The following POP1 variants were observed in gnomAD, a reference collection of about 807,000 sequenced individuals.
POP1 encodes ribonucleases P/MRP protein subunit POP1.
Under a neutral mutation model 102.2 loss-of-function variants are expected in POP1, and 75 were observed. The ratio of observed to expected loss-of-function variants is 0.73; its 90% confidence interval spans 0.61 to 0.89. POP1 has a LOEUF of 0.89. Ranked by LOEUF, POP1 falls within the 40% of genes least tolerant of loss-of-function variation. The pLI is 0.00. For synonymous variants in POP1, 436 were observed against 464.1 expected (o/e 0.94, Z 0.78); for missense variants, 1,116 against 1,267.4 (o/e 0.88, Z 1.81).
At chr8:98,141,446 A>G (rs931954943) in intron 11 of POP1, among the ~76,000 whole-genome samples, 2 of 152,212 alleles carry the variant, frequency 1.3e-5, no homozygotes, top group East Asian at 3.8e-4. Context: ...AGCAATTTTG[A>G]TAATGTCTCA....
intron 14 of POP1, among the ~76,000 whole-genome samples, chr8:98,151,656 T>G (rs1197346670): frequency 2.0e-5 from 3 of 151,992 alleles, no homozygotes; most frequent in African/African-American, 7.3e-5. Flanking sequence ...AGTTCCTTGA[T>G]GGTGAGCTTC....
chr8:98,131,199 C>T (rs1490675644), intron 5 of POP1, among the ~76,000 whole-genome samples: 2 of 152,206 alleles, frequency 1.3e-5, no homozygotes, highest in African/African-American at 2.4e-5. Flanking sequence ...ATCAGTACCA[C>T]CATCCATCTC....
In POP1 at chr8:98,127,578, T is replaced by C; in HGVS notation, c.143-17T>C. ...TCTCTGATAAAGGTGACATGTTTCT[T>C]TTTGAAAATATACTAGAGCCTCATC... On this transcript the variant is annotated splice_polypyrimidine_tract_variant and intron_variant, in intron 2 of 15. Transcript: ENST00000401707. The C allele has an allele frequency of 6.2e-7, 1 of 1,614,066 alleles. No individual in the cohort carries two copies. The highest frequency in any genetic ancestry group is 1.3e-5 in the African/African-American group (1 of 75,028).
At chr8:98,117,969 A>G (rs1449567856) in intron 1 of POP1, 2 of 152,090 alleles carry the variant, frequency 1.3e-5, no homozygotes, top group Non-Finnish European at 2.9e-5. Context: ...TTATGCGGGC[A>G]CTCATAGATA....
At chr8:98,155,447 A>AT (rs1158557794) in intron 14 of POP1, among the ~76,000 whole-genome samples, 2 of 150,190 alleles carry the variant, frequency 1.3e-5, no homozygotes, top group African/African-American at 2.5e-5. Context: ...CACCCAGCTA[A>AT]TTTTTTTGTA....
intron 11 of POP1, among the ~76,000 whole-genome samples, chr8:98,143,991 T>TAA (rs1349489127): frequency 2.2e-5 from 3 of 139,014 alleles, no homozygotes; most frequent in African/African-American, 5.3e-5. Flanking sequence ...CTGTCTCTAC[T>TAA]AAAAAAAAAA....
At chr8:98,143,736 G>A (rs1816769428) in intron 11 of POP1, among the ~76,000 whole-genome samples, 1 of 151,818 alleles carries the variant, frequency 6.6e-6, no homozygotes, top group Non-Finnish European at 1.5e-5. Flanking sequence ...CCTAACTTCC[G>A]ATAACCACTG....
chr8:98,123,750 C>T (rs1422898393), intron 2 of POP1, among the ~76,000 whole-genome samples: 2 of 149,420 alleles, frequency 1.3e-5, no homozygotes. Context: ...GCACTCCAGC[C>T]TGAAGACAGA....
rs750139829 is a variant in POP1, at chr8:98,136,531, A to C, written c.1061A>C (p.Lys354Thr). The change falls in exon 8 of 16, where the codon AAA (lysine) becomes ACA (threonine). Residue 354 changes from lysine to threonine, a missense_variant. Coordinates refer to ENST00000401707, the MANE Select transcript of POP1 (RefSeq NM_001145860.2). ...KAACQCVEPI[K>T]SAVCIADPLP... ...GCGTGCCAGTGTGTGGAACCCATCA[A>C]ATCAGCTGTCTGCATCGCTGACCCA... 3 of 1,614,008 alleles carry C rather than the reference A, an allele frequency of 1.9e-6. No homozygotes were observed. Among genetic ancestry groups the C allele is most frequent in the Admixed American group, 3.3e-5 (2 of 59,994 alleles).
intron 2 of POP1, among the ~76,000 whole-genome samples, chr8:98,126,941 G>A (rs1365797486): frequency 1.3e-5 from 2 of 152,062 alleles, no homozygotes; most frequent in Non-Finnish European, 2.9e-5. Flanking sequence ...TCAGATGAGG[G>A]ATACACAACC....
chr8:98,150,420 T>A, intron 13 of POP1, 65 bp from the exon 14 acceptor site: 1 of 1,580,880 alleles, frequency 6.3e-7, no homozygotes. Context: ...TTTTCCCCCA[T>A]ATAAACATTA....
At chr8:98,129,876 A>C in intron 4 of POP1, 102 bp from the exon 5 acceptor site, 1 of 1,353,236 alleles carries the variant, frequency 7.4e-7, no homozygotes, top group South Asian at 1.2e-5. Context: ...GGATCTATAA[A>C]ATATTCCACT....
At position 98,125,903 on chromosome 8, in the gene POP1, T is replaced by C. The variant is rs191664785; in HGVS notation, c.143-1692T>C. 3.9e-4 allele frequency among the ~76,000 whole-genome samples: 60 copies of C among 152,228 alleles called. 1 individual carries two copies. In the East Asian group the frequency reaches 0.011, roughly 29 times the overall value. ...CTCTGTCACCCATGCTGAAGGGTAATGGCACAATCGTGGCTCACTTCAACC... is the reference window on the plus strand; with the variant it reads ...CTCTGTCACCCATGCTGAAGGGTAACGGCACAATCGTGGCTCACTTCAACC... On this transcript the variant is annotated intron_variant, in intron 2 of 15. Transcript: ENST00000401707.
intron 4 of POP1, among the ~76,000 whole-genome samples, 171 bp from the exon 5 acceptor site, chr8:98,129,806 AT>A (rs1816323563): frequency 6.6e-6 from 1 of 152,128 alleles, no homozygotes; most frequent in South Asian, 2.1e-4. Context: ...CACTCTTTCC[AT>A]TGTCTTCCTT....
chr8:98,136,794 A>G (rs1816558187), intron 8 of POP1, 56 bp downstream of exon 8: 1 of 1,609,172 alleles, frequency 6.2e-7, no homozygotes, highest in African/African-American at 1.3e-5. Flanking sequence ...GACCTGCTCC[A>G]TTTTTGTCAG....
chr8:98,122,683 A>G (rs961477095), intron 1 of POP1, among the ~76,000 whole-genome samples: 4 of 152,184 alleles, frequency 2.6e-5, no homozygotes, highest in African/African-American at 9.7e-5. Flanking sequence ...TATTTTATTA[A>G]AATTACTTCT....
chr8:98,130,802 T>G (rs1393917495), intron 5 of POP1, among the ~76,000 whole-genome samples: 2 of 152,208 alleles, frequency 1.3e-5, no homozygotes, highest in African/African-American at 2.4e-5. Flanking sequence ...AGAATGCTGG[T>G]CTAGGTGTTT....
intron 4 of POP1, among the ~76,000 whole-genome samples, chr8:98,129,048 G>T (rs1255618505): frequency 2.6e-5 from 4 of 152,054 alleles, no homozygotes; most frequent in Admixed American, 2.6e-4. Context: ...GGCTATTATG[G>T]GTGCTTTGAA....
intron 2 of POP1, among the ~76,000 whole-genome samples, chr8:98,127,299 T>C (rs1009927869): frequency 2.0e-5 from 3 of 152,144 alleles, no homozygotes; most frequent in African/African-American, 4.8e-5. Flanking sequence ...AGATTTGAAA[T>C]TCATGTTGCA....
Sources: gnomAD v4.1 joint callset for allele counts (sites outside exome capture counted in the v4.1 genomes callset) on GRCh38, gnomAD v4.1.1 for gene constraint, MANE v1.5 for transcripts, NCBI Gene and HGNC (gene_info 2026-07-23, HGNC 2026-07-21) for gene names.